The following RNF17 variants were observed in gnomAD, a reference collection of about 807,000 sequenced individuals.
RNF17 encodes the protein spermatogenesis associated 23.
Under a neutral mutation model 200.5 loss-of-function variants are expected in RNF17, and 31 were observed. That is an observed-to-expected ratio of 0.15 (90% CI 0.12 to 0.21). The LOEUF is 0.21. RNF17 is among the 10% of genes least tolerant of loss of function. The pLI is 1.00. For missense variants in RNF17, 1,628 were observed against 1,905.1 expected (o/e 0.85, Z 2.71); for synonymous variants, 606 against 637.8 (o/e 0.95, Z 0.75).
intron 10 of RNF17, among the ~76,000 whole-genome samples, chr13:24,794,709 A>G (rs1437788615): frequency 1.3e-5 from 2 of 152,106 alleles, no homozygotes; most frequent in Non-Finnish European, 2.9e-5. Context: ...ACTCTGGCAG[A>G]AATATTCCCC....
intron 34 of RNF17, among the ~76,000 whole-genome samples, chr13:24,878,502 G>A (rs1895097690): frequency 1.3e-5 from 2 of 152,134 alleles, no homozygotes; most frequent in Non-Finnish European, 2.9e-5. Flanking sequence ...TGGTAGCGTG[G>A]CTCAGTCTGG....
At chr13:24,856,203 C>CAA (rs1892472743) in intron 25 of RNF17, among the ~76,000 whole-genome samples, 1 of 151,966 alleles carries the variant, frequency 6.6e-6, no homozygotes, top group South Asian at 2.1e-4. Context: ...GGGTGGATCA[C>CAA]AAAGTCAGGA....
rs973193249 is a variant in RNF17 at position 24,815,349 on chromosome 13, T to A, written c.2092-10270T>A. On this transcript the variant is annotated intron_variant, in intron 15 of 35. Coordinates refer to ENST00000255324, the MANE Select transcript of RNF17 (RefSeq NM_031277.3). ...CCTCTTCAATTTGCTCATTTACTAATGTATTAAAACACAACTGATTTTTAC... is the reference window on the plus strand; with the variant it reads ...CCTCTTCAATTTGCTCATTTACTAAAGTATTAAAACACAACTGATTTTTAC... Among the ~76,000 whole-genome samples, 52 of 152,178 alleles carry A rather than the reference T, an allele frequency of 3.4e-4. 2 individuals carry two copies. Among genetic ancestry groups the A allele is most frequent in the Non-Finnish European group, 2.9e-5 (2 of 68,026 alleles).
chr13:24,764,052 C>A, upstream of RNF17: 1 of 679,614 alleles, frequency 1.5e-6, no homozygotes, highest in Non-Finnish European at 2.4e-6. Flanking sequence ...GGAAAACAGC[C>A]CCAGCCCCAT....
intron 1 of RNF17, among the ~76,000 whole-genome samples, chr13:24,765,435 T>G (rs1374429681): frequency 1.3e-5 from 2 of 152,224 alleles, no homozygotes; most frequent in Non-Finnish European, 2.9e-5. Context: ...CTGTTTAATG[T>G]TTATACTTTC....
At chr13:24,868,137 C>T (rs981093282) in intron 30 of RNF17, among the ~76,000 whole-genome samples, 37 of 152,188 alleles carry the variant, frequency 2.4e-4, no homozygotes, top group African/African-American at 8.9e-4. Flanking sequence ...CATTTTGGTC[C>T]TACTGTAACA....
At chr13:24,858,122 T>C (rs1282842191) in intron 25 of RNF17, among the ~76,000 whole-genome samples, 1 of 152,184 alleles carries the variant, frequency 6.6e-6, no homozygotes, top group Non-Finnish European at 1.5e-5. Flanking sequence ...GGCTCCTAAT[T>C]AGTACCTATG....
rs1181936763 is a variant in RNF17 at position 24,825,785 on chromosome 13, A to C, written c.2245+13A>C. 1.2e-6 allele frequency: 2 copies of C among 1,609,284 alleles called. No individual in the cohort carries two copies. Among genetic ancestry groups the C allele is most frequent in the Admixed American group, 3.4e-5 (2 of 59,278 alleles). Reference sequence around the variant, plus strand: ...GCAAAAGTTATCGGTAGGAGAATGCATGCTGTTTCTACAGGGAGATGTCAT... The same window carrying C: ...GCAAAAGTTATCGGTAGGAGAATGCCTGCTGTTTCTACAGGGAGATGTCAT... On this transcript the variant is annotated intron_variant, in intron 16 of 35. Coordinates refer to ENST00000255324, the MANE Select transcript of RNF17 (RefSeq NM_031277.3).
In RNF17 at chr13:24,868,818, A is replaced by G; in HGVS notation, c.4278+102A>G. The G allele has an allele frequency of 8.4e-6, 6 of 714,362 alleles. No individual in the cohort carries two copies. The East Asian group carries it at 1.6e-4, about 18-fold the overall frequency. 44.3% of individuals were successfully genotyped at this position (714,362 alleles called of 1,614,324 possible). A position where few individuals can be genotyped will look rare whatever the true frequency, so the allele number is the denominator to read the frequency against. Reference sequence around the variant, plus strand: ...TCACTTCTCTATTTTCCTGATTTCAAATGTTGCAAATTCGTGAACTCTAGT... The same window carrying G: ...TCACTTCTCTATTTTCCTGATTTCAGATGTTGCAAATTCGTGAACTCTAGT... On this transcript the variant is annotated intron_variant, in intron 31 of 35. Transcript: ENST00000255324.
rs993200130 is a variant in RNF17 at position 24,778,244 on chromosome 13, A to G, written c.318-51A>G. On this transcript the variant is annotated intron_variant, in intron 3 of 35. Transcript: ENST00000255324. ...GCCACTGCACTCTGGCCTGGGTGAC[A>G]GAGAAAGATCCTGTCACAAAAAATA... 3.9e-6 allele frequency: 5 copies of G among 1,273,220 alleles called. No individual in the cohort carries two copies. The African/African-American group carries it at 5.9e-5, about 15-fold the overall frequency. The allele number at this position is 1,273,220 out of a possible 1,614,324, so 78.9% of individuals were successfully genotyped here. A position where few individuals can be genotyped will look rare whatever the true frequency, so the allele number is the denominator to read the frequency against.
intron 15 of RNF17, among the ~76,000 whole-genome samples, chr13:24,825,151 A>T (rs1459320446): frequency 6.6e-6 from 1 of 152,192 alleles, no homozygotes; most frequent in Non-Finnish European, 1.5e-5. Flanking sequence ...GTACTAGATT[A>T]TAAAAGTGTT....
rs3819032 is a variant in RNF17 at position 24,879,371 on chromosome 13, C to T, written c.*10+76C>T. On this transcript the variant is annotated intron_variant, in intron 35 of 35. Transcript: ENST00000255324. The stretch of plus-strand genomic sequence containing the variant: ...ATGCTAGATTGATCAGAAAAGCACC[C>T]GTGGATTTTCCTTGATTTCTCAAAG... The T allele has an allele frequency of 9.2e-3, 8,727 of 945,558 alleles. 278 individuals carry two copies. In the East Asian group the frequency reaches 0.1, roughly 11 times the overall value. 58.6% of individuals were successfully genotyped at this position (945,558 alleles called of 1,614,324 possible). A position where few individuals can be genotyped will look rare whatever the true frequency, so the allele number is the denominator to read the frequency against.
intron 15 of RNF17, among the ~76,000 whole-genome samples, chr13:24,805,477 T>C (rs1885734177): frequency 6.6e-6 from 1 of 152,214 alleles, no homozygotes; most frequent in Non-Finnish European, 1.5e-5. Context: ...TCTGGCTTCT[T>C]TCACTTCAAC....
At position 24,816,934 on chromosome 13, in the gene RNF17, G is replaced by C. The variant is rs1012907558; in HGVS notation, c.2092-8685G>C. Among the ~76,000 whole-genome samples, 7 of 152,272 alleles carry C rather than the reference G, an allele frequency of 4.6e-5. No individual in the cohort carries two copies. In the South Asian group the frequency reaches 1.5e-3, roughly 32 times the overall value. ...ACCACCTCCTCTAGAGCCTTGTCGGGGCAGAGCTAGAGTTCCTGGCCACTC... is the reference window on the plus strand; with the variant it reads ...ACCACCTCCTCTAGAGCCTTGTCGGCGCAGAGCTAGAGTTCCTGGCCACTC... On this transcript the variant is annotated intron_variant, in intron 15 of 35. Transcript: ENST00000255324.
At chr13:24,791,394 C>T (rs192233129) in intron 9 of RNF17, among the ~76,000 whole-genome samples, 5 of 152,116 alleles carry the variant, frequency 3.3e-5, no homozygotes, top group African/African-American at 4.8e-5. Flanking sequence ...GTGACTAAGT[C>T]GATGGATTGT....
intron 11 of RNF17, 83 bp downstream of exon 11, chr13:24,796,378 T>C (rs1414268842): frequency 1.9e-5 from 17 of 879,100 alleles, no homozygotes; most frequent in Non-Finnish European, 2.7e-5. Flanking sequence ...AGACTTGTTA[T>C]AATATAGATT....
At chr13:24,823,468 CTG>C (rs1306274273) in intron 15 of RNF17, among the ~76,000 whole-genome samples, 1 of 149,804 alleles carries the variant, frequency 6.7e-6, no homozygotes, top group Admixed American at 6.6e-5. Flanking sequence ...TCACTGAAGT[CTG>C]TTGTTTCTTT....
chr13:24,852,003 A>G (rs967308596), intron 24 of RNF17, among the ~76,000 whole-genome samples: 1 of 152,188 alleles, frequency 6.6e-6, no homozygotes, highest in Non-Finnish European at 1.5e-5. Context: ...CAGGATGAGT[A>G]GCAAATAAAT....
intron 32 of RNF17, among the ~76,000 whole-genome samples, chr13:24,872,881 C>T (rs1330517422): frequency 4.3e-5 from 5 of 117,434 alleles, no homozygotes; most frequent in South Asian, 2.4e-4. Context: ...TGAAGGGGGA[C>T]AGCCATGAAC....
Sources: gnomAD v4.1 joint callset for allele counts (sites outside exome capture counted in the v4.1 genomes callset) on GRCh38, gnomAD v4.1.1 for gene constraint, MANE v1.5 for transcripts, NCBI Gene and HGNC (gene_info 2026-07-23, HGNC 2026-07-21) for gene names.